The following NIPA1 variants were observed in gnomAD, a reference collection of about 807,000 sequenced individuals.
NIPA1 encodes NIPA magnesium transporter 1.
NIPA1 carries 13 observed loss-of-function variants against 23.9 expected under a neutral mutation model. The observed-to-expected ratio is 0.54, with a 90% CI of 0.35 to 0.87. The LOEUF is 0.87. NIPA1 is among the 40% of genes least tolerant of loss of function. NIPA1 has a pLI of 0.01. For synonymous variants in NIPA1, 234 were observed against 202.9 expected (o/e 1.15, Z -1.30); for missense variants, 362 against 429.7 (o/e 0.84, Z 1.39).
At position 22,829,408 on chromosome 15, in the gene NIPA1, T is replaced by G. The variant is rs891982626; in HGVS notation, c.*5169T>G. On this transcript the variant is annotated 3_prime_UTR_variant, in exon 5 of 5. Coordinates refer to ENST00000337435, the MANE Select transcript of NIPA1 (RefSeq NM_144599.5). ...TTCAGAATATTTATTTGTCAGAATA[T>G]AATAATTGCCCCCCACCTTAGTATT... 3.9e-5 allele frequency: 6 copies of G among 152,652 alleles called. No homozygotes were observed. Among genetic ancestry groups the G allele is most frequent in the Admixed American group, 3.9e-4 (6 of 15,294 alleles). The allele number at this position is 152,652 out of a possible 1,614,324, so 9.5% of individuals were successfully genotyped here.
chr15:22,788,515 AT>A (rs1398776825), intron 1 of NIPA1, among the ~76,000 whole-genome samples: 2 of 151,098 alleles, frequency 1.3e-5, no homozygotes, highest in East Asian at 3.9e-4. Flanking sequence ...AAAAAAAAAA[AT>A]CTTGCAGTAC....
intron 1 of NIPA1, among the ~76,000 whole-genome samples, chr15:22,792,604 T>G (rs1326501003): frequency 6.6e-6 from 1 of 151,746 alleles, no homozygotes; most frequent in Non-Finnish European, 1.5e-5. Context: ...GTGATCTGCC[T>G]TCTTCGGCCT....
At chr15:22,801,507 CTTTTTT>C (rs35360583) in intron 1 of NIPA1, among the ~76,000 whole-genome samples, 4,612 of 79,068 alleles carry the variant, frequency 0.058, 197 homozygotes, top group East Asian at 0.19. Flanking sequence ...CTTCTAGCGA[CTTTTTT>C]TTTTTTTTTT....
intron 1 of NIPA1, among the ~76,000 whole-genome samples, chr15:22,809,742 C>T (rs1895281885): frequency 9.3e-6 from 1 of 107,730 alleles, no homozygotes; most frequent in African/African-American, 4.7e-5. Flanking sequence ...GAGACTCTGT[C>T]TGAAAAAAAA....
At position 22,828,918 on chromosome 15, in the gene NIPA1, G is replaced by A. The variant is rs530587778; in HGVS notation, c.*4679G>A. 3 of 152,670 alleles carry A rather than the reference G, an allele frequency of 2.0e-5. No homozygotes were observed. The East Asian group carries it at 5.8e-4, about 29-fold the overall frequency. The allele number at this position is 152,670 out of a possible 1,614,324, so 9.5% of individuals were successfully genotyped here. A position where few individuals can be genotyped will look rare whatever the true frequency, so the allele number is the denominator to read the frequency against. On this transcript the variant is annotated 3_prime_UTR_variant, in exon 5 of 5. Transcript: ENST00000337435. ...TGGTGGCCTGAGATGAGAGCACCGT[G>A]TTCAGAAGTGCCTGGGAGTGGCACA...
Position 22,823,951 on chromosome 15 carries a change from G to A in NIPA1, c.702G>A (p.Leu234=), listed in dbSNP as rs891513416. Residue 234 remains leucine, a synonymous_variant, in exon 5 of 5, where the codon CTG becomes CTA. Coordinates refer to ENST00000337435, the MANE Select transcript of NIPA1 (RefSeq NM_144599.5). ...QRALCLCLVL[L]AVLGCSIIVQ... is the part of the protein sequence containing the mutation. ...CCCTCTGCCTGTGCCTGGTACTCCTGGCCGTGCTCGGCTGCAGCATCATCG... is the reference window on the plus strand; with the variant it reads ...CCCTCTGCCTGTGCCTGGTACTCCTAGCCGTGCTCGGCTGCAGCATCATCG... 1.1e-5 allele frequency: 18 copies of A among 1,614,064 alleles called. No homozygotes were observed. The highest frequency in any genetic ancestry group is 1.7e-5 in the Admixed American group (1 of 60,004).
intron 1 of NIPA1, among the ~76,000 whole-genome samples, chr15:22,792,337 T>C (rs562657131): frequency 6.6e-6 from 1 of 150,946 alleles, no homozygotes; most frequent in Admixed American, 6.6e-5. Context: ...AGGAAAGCTG[T>C]GTGTTTAGAA....
intron 1 of NIPA1, among the ~76,000 whole-genome samples, chr15:22,793,925 G>C (rs1350788872): frequency 1.3e-5 from 2 of 152,138 alleles, no homozygotes; most frequent in African/African-American, 4.8e-5. Context: ...CCATTGGTCT[G>C]TGTGTCTTTT....
chr15:22,786,747 G>A lies in NIPA1; in HGVS notation c.91G>A (p.Gly31Ser). 7.8e-7 allele frequency: 1 copy of A among 1,284,130 alleles called. No homozygotes were observed. Among genetic ancestry groups the A allele is most frequent in the Non-Finnish European group, 1.0e-6 (1 of 995,548 alleles). 79.5% of individuals were successfully genotyped at this position (1,284,130 alleles called of 1,614,324 possible). A position where few individuals can be genotyped will look rare whatever the true frequency, so the allele number is the denominator to read the frequency against. ...CCCGAGCCCCGCCGCCGTGTCGCTC[G>A]GCCTGGGCGTGGCCGTCGTGTCGAG... ...RSPSPAAVSL[G>S]LGVAVVSSLV... The change falls in exon 1 of 5, where the codon GGC (glycine) becomes AGC (serine). Residue 31 changes from glycine to serine, a missense_variant. Physicochemically the swap from Gly to Ser is moderately conservative, Grantham distance 56. This residue lies in a region of NIPA1 where 85 missense variants were observed against 57.7 expected (regional missense o/e 1.47). Coordinates refer to ENST00000337435, the MANE Select transcript of NIPA1 (RefSeq NM_144599.5).
chr15:22,810,789 A>C lies in NIPA1; in HGVS notation c.219A>C (p.Thr73=). Reference sequence around the variant, plus strand: ...CAGACATTGTGTGGTGGGCTGGCACAATCGCAAGTAAGTAGCCTGTGTGGC... The same window carrying C: ...CAGACATTGTGTGGTGGGCTGGCACCATCGCAAGTAAGTAGCCTGTGTGGC... ...YLTDIVWWAG[T]IAMAVGQIGN... The change falls in exon 2 of 5, where the codon ACA becomes ACC. Residue 73 remains threonine (T), a synonymous_variant. Coordinates refer to ENST00000337435, the MANE Select transcript of NIPA1 (RefSeq NM_144599.5). The C allele has an allele frequency of 6.2e-7, 1 of 1,608,920 alleles. No homozygotes were observed. The highest frequency in any genetic ancestry group is 8.5e-7 in the Non-Finnish European group (1 of 1,175,232).
At position 22,814,291 on chromosome 15, in the gene NIPA1, T is replaced by G. The variant is rs1277075205; in HGVS notation, c.317+2038T>G. On this transcript the variant is annotated intron_variant, in intron 3 of 4. Coordinates refer to ENST00000337435, the MANE Select transcript of NIPA1 (RefSeq NM_144599.5). ...TTTTTTTTTTGAGACGGAGTCTCGC[T>G]CTGTCGCCCAGGCTGGAGTGCAGTG... 3 of 272,086 alleles carry G rather than the reference T, an allele frequency of 1.1e-5. No homozygotes were observed. In the East Asian group the frequency reaches 2.4e-4, roughly 22 times the overall value. 16.9% of individuals were successfully genotyped at this position (272,086 alleles called of 1,614,324 possible).
upstream of NIPA1, chr15:22,786,604 GC>G: frequency 1.4e-6 from 1 of 708,166 alleles, no homozygotes; most frequent in Non-Finnish European, 1.7e-6. Context: ...CCCCCATCCC[GC>G]CCCGCGGGGC....
intron 1 of NIPA1, among the ~76,000 whole-genome samples, chr15:22,810,021 G>A (rs1370457909): frequency 1.3e-5 from 2 of 150,894 alleles, no homozygotes; most frequent in East Asian, 3.9e-4. Flanking sequence ...ACTCCAGCCT[G>A]GGCAACAAGA....
intron 3 of NIPA1, among the ~76,000 whole-genome samples, chr15:22,816,486 C>CTTTTTT (rs71117480): frequency 0.12 from 4,910 of 42,002 alleles, 1,211 homozygotes; most frequent in Non-Finnish European, 0.16. Flanking sequence ...CGCACCCAGC[C>CTTTTTT]TTTTTTTTTT....
chr15:22,807,030 A>G (rs896350488), intron 1 of NIPA1, among the ~76,000 whole-genome samples: 5 of 152,162 alleles, frequency 3.3e-5, no homozygotes, highest in African/African-American at 9.7e-5. Flanking sequence ...TACTGGTTTA[A>G]AAGGTGAGGG....
intron 1 of NIPA1, among the ~76,000 whole-genome samples, chr15:22,801,507 CTTTTTTTTTTTTT>C (rs35360583): frequency 1.3e-5 from 1 of 78,944 alleles, no homozygotes; most frequent in Non-Finnish European, 2.2e-5. Context: ...CTTCTAGCGA[CTTTTTTTTTTTTT>C]TTTTTTTTTT....
chr15:22,789,854 G>T (rs1894792283), intron 1 of NIPA1, among the ~76,000 whole-genome samples: 1 of 152,070 alleles, frequency 6.6e-6, no homozygotes, highest in Non-Finnish European at 1.5e-5. Context: ...GAGTGCAGTG[G>T]CGCGATCTTG....
In NIPA1 at chr15:22,828,196, G is replaced by A. The variant is rs1202450575; in HGVS notation, c.*3957G>A. The A allele has an allele frequency of 1.3e-5, 2 of 152,564 alleles. No homozygotes were observed. The highest frequency in any genetic ancestry group is 2.9e-5 in the Non-Finnish European group (2 of 68,028). 9.5% of individuals were successfully genotyped at this position (152,564 alleles called of 1,614,324 possible). ...TTTTGCCTTCTCAGGGACCAAAAAT[G>A]TATCATTGACTCCTTAACAGTGACC... On this transcript the variant is annotated 3_prime_UTR_variant, in exon 5 of 5. Coordinates refer to ENST00000337435, the MANE Select transcript of NIPA1 (RefSeq NM_144599.5).
At position 22,791,494 on chromosome 15, in the gene NIPA1, TTTTTTG is replaced by T. The variant is rs1303055920; in HGVS notation, c.178+4662_178+4667del. On this transcript the variant is annotated intron_variant, in intron 1 of 4. Coordinates refer to ENST00000337435, the MANE Select transcript of NIPA1 (RefSeq NM_144599.5). ...CTTTCACTTTTTTTTTTTTTTTTTT[TTTTTTG>T]TGAGACGGAGTGTTGCTCTGTTGCC... 3.2e-3 allele frequency among the ~76,000 whole-genome samples: 419 copies of T among 130,044 alleles called. 5 individuals are homozygous for T. The highest frequency in any genetic ancestry group is 0.025 in the Middle Eastern group (7 of 280). 85.3% of individuals were successfully genotyped at this position (130,044 alleles called of 152,430 possible).
Sources: gnomAD v4.1 joint callset for allele counts (sites outside exome capture counted in the v4.1 genomes callset) on GRCh38, gnomAD v4.1.1 for gene constraint, gnomAD v4.1.1 regional missense constraint, MANE v1.5 for transcripts, NCBI Gene and HGNC (gene_info 2026-07-23, HGNC 2026-07-21) for gene names.